IL1RL2: variants seen among roughly 807,000 people sequenced by gnomAD.
The protein encoded by IL1RL2 is interleukin-1 receptor-like 2.
A neutral mutation model predicts 66.8 loss-of-function variants in IL1RL2; 68 were observed. The observed-to-expected ratio is 1.02, with a 90% confidence interval of 0.84 to 1.25. The LOEUF is 1.25. Among genes scored for constraint, IL1RL2 ranks in the 50% most tolerant of loss-of-function variants. The pLI is 0.00. For missense variants in IL1RL2, 729 were observed against 709.3 expected (o/e 1.03, Z -0.32); for synonymous variants, 305 against 264.6 (o/e 1.15, Z -1.48).
At position 102,239,832 on chromosome 2, in the gene IL1RL2, T is replaced by A. The variant is rs1179972921; in HGVS notation, c.*591T>A. On this transcript the variant is annotated 3_prime_UTR_variant, in exon 12 of 12. Coordinates refer to ENST00000264257, the MANE Select transcript of IL1RL2 (RefSeq NM_003854.4). ...TGGGGGGATCACCTGTCATGGTGGG[T>A]GAGAGTTGGGATTCATCCCCATGTC... 1 of 154,758 alleles carries A rather than the reference T, an allele frequency of 6.5e-6. No homozygotes were observed. The highest frequency in any genetic ancestry group is 1.4e-5 in the Non-Finnish European group (1 of 69,526). 9.6% of individuals were successfully genotyped at this position (154,758 alleles called of 1,614,324 possible).
Position 102,239,544 on chromosome 2 carries a change from G to T in IL1RL2, c.*303G>T. 1 of 352,606 alleles carries T rather than the reference G, an allele frequency of 2.8e-6. No individual in the cohort carries two copies. Among genetic ancestry groups the T allele is most frequent in the Non-Finnish European group, 5.6e-6 (1 of 180,016 alleles). The allele number at this position is 352,606 out of a possible 1,614,324, so 21.8% of individuals were successfully genotyped here. On this transcript the variant is annotated 3_prime_UTR_variant, in exon 12 of 12. Coordinates refer to ENST00000264257, the MANE Select transcript of IL1RL2 (RefSeq NM_003854.4). ...CCAAGTCATGGTGGGTGAGAGCTCG[G>T]AGCATCCCCATGTCATGGTGGGTGA...
chr2:102,234,929 C>T lies in IL1RL2; in HGVS notation c.1330C>T (p.Leu444=). Reference sequence around the variant, plus strand: ...CAATGTCATCGATGAAAACGTTAAGCTGTGCAGGAGGCTGATTGTCATTGT... The same window carrying T: ...CAATGTCATCGATGAAAACGTTAAGTTGTGCAGGAGGCTGATTGTCATTGT... The part of the protein sequence containing the change: ...VANVIDENVK[L]CRRLIVIVVP... The change falls in exon 11 of 12, where the codon CTG becomes TTG. Residue 444 remains leucine (L), a synonymous_variant. Transcript: ENST00000264257. The T allele has an allele frequency of 6.2e-7, 1 of 1,614,016 alleles. No homozygotes were observed. The highest frequency in any genetic ancestry group is 8.5e-7 in the Non-Finnish European group (1 of 1,179,942).
In IL1RL2 at chr2:102,187,835, C is replaced by T. The variant is rs752818394; in HGVS notation, c.-12-21C>T. 5 of 1,611,928 alleles carry T rather than the reference C, an allele frequency of 3.1e-6. No individual in the cohort carries two copies. In the South Asian group the frequency reaches 5.5e-5, roughly 18 times the overall value. ...GCCCTACTGCGTCCTCCCCTCCCAC[C>T]CTCTTCTCCCTTCCTTGCAGCCCGG... On this transcript the variant is annotated intron_variant, in intron 1 of 11. Coordinates refer to ENST00000264257, the MANE Select transcript of IL1RL2 (RefSeq NM_003854.4).
intron 9 of IL1RL2, among the ~76,000 whole-genome samples, chr2:102,227,957 A>G (rs570675650): frequency 2.0e-5 from 3 of 152,216 alleles, no homozygotes; most frequent in South Asian, 2.1e-4. Context: ...GAAAACAGGA[A>G]TAGTGACTCA....
downstream of IL1RL2, among the ~76,000 whole-genome samples, chr2:102,241,867 T>C (rs1003350490): frequency 6.6e-6 from 1 of 152,238 alleles, no homozygotes; most frequent in Non-Finnish European, 1.5e-5. Context: ...GGTAGCATTG[T>C]TATGTTTCTA....
chr2:102,230,670 G>A (rs1048471381), intron 9 of IL1RL2, among the ~76,000 whole-genome samples: 1 of 152,192 alleles, frequency 6.6e-6, no homozygotes, highest in Non-Finnish European at 1.5e-5. Flanking sequence ...GATGGGGTGG[G>A]GAGGCAGACA....
intron 6 of IL1RL2, among the ~76,000 whole-genome samples, chr2:102,212,960 C>T (rs941971389): frequency 2.0e-5 from 3 of 151,656 alleles, no homozygotes; most frequent in African/African-American, 7.3e-5. Context: ...AGCGAGACTC[C>T]GTCTCAAAAC....
chr2:102,222,643 A>G (rs1390172540), intron 8 of IL1RL2, among the ~76,000 whole-genome samples: 1 of 152,188 alleles, frequency 6.6e-6, no homozygotes, highest in Non-Finnish European at 1.5e-5. Context: ...GTGATGAAGT[A>G]GGTGAGTTTG....
chr2:102,214,219 G>A (rs1689416871), intron 6 of IL1RL2, among the ~76,000 whole-genome samples: 1 of 152,148 alleles, frequency 6.6e-6, no homozygotes, highest in Admixed American at 6.5e-5. Context: ...AAGAGAAGGA[G>A]TTTTGGAAGT....
At chr2:102,206,549 A>T (rs1198452209) in intron 5 of IL1RL2, among the ~76,000 whole-genome samples, 4 of 152,114 alleles carry the variant, frequency 2.6e-5, no homozygotes, top group Non-Finnish European at 5.9e-5. Flanking sequence ...TCAGGCAGAG[A>T]CTTGTTCTCT....
chr2:102,216,427 G>C (rs534327823), intron 6 of IL1RL2, among the ~76,000 whole-genome samples: 1 of 151,656 alleles, frequency 6.6e-6, no homozygotes, highest in Admixed American at 6.6e-5. Flanking sequence ...TTCACTTTTC[G>C]TGTATATGTA....
At chr2:102,233,162 G>T in intron 10 of IL1RL2, 38 bp downstream of exon 10, 1 of 1,515,856 alleles carries the variant, frequency 6.6e-7, no homozygotes. Flanking sequence ...ACAAATAAAA[G>T]AAGGAAAGCG....
At chr2:102,187,347 G>A in intron 1 of IL1RL2, 1 of 1,166,076 alleles carries the variant, frequency 8.6e-7, no homozygotes. Flanking sequence ...TGCCAGGTAG[G>A]CCTGCCCTGG....
At chr2:102,187,168 G>T (rs1026923861) in intron 1 of IL1RL2, 82 bp downstream of exon 1, 4 of 1,259,878 alleles carry the variant, frequency 3.2e-6, no homozygotes, top group Non-Finnish European at 4.1e-6. Context: ...AAAAGACGTG[G>T]CAACAATGTG....
chr2:102,227,273 A>G (rs530408169), intron 9 of IL1RL2, among the ~76,000 whole-genome samples: 1 of 151,554 alleles, frequency 6.6e-6, no homozygotes, highest in East Asian at 1.9e-4. Flanking sequence ...AAGGGAGGGA[A>G]ACTGGTTGTC....
chr2:102,202,047 G>T (rs916909780), intron 5 of IL1RL2, among the ~76,000 whole-genome samples: 1 of 152,190 alleles, frequency 6.6e-6, no homozygotes, highest in Non-Finnish European at 1.5e-5. Flanking sequence ...TGATGAACAT[G>T]ACTGTCATTC....
At chr2:102,218,699 A>C (rs2104828847) in intron 6 of IL1RL2, among the ~76,000 whole-genome samples, 1 of 152,340 alleles carries the variant, frequency 6.6e-6, no homozygotes, top group South Asian at 2.1e-4. Flanking sequence ...GAGTAGAAAT[A>C]GCATTTGTGT....
intron 5 of IL1RL2, among the ~76,000 whole-genome samples, chr2:102,202,331 A>G (rs570251201): frequency 1.1e-3 from 160 of 151,846 alleles, no homozygotes; most frequent in African/African-American, 3.7e-3. Context: ...GTGGGTACAT[A>G]ATAGGTATAT....
intron 6 of IL1RL2, among the ~76,000 whole-genome samples, chr2:102,212,944 C>T (rs574298173): frequency 2.6e-5 from 4 of 151,980 alleles, no homozygotes; most frequent in African/African-American, 4.8e-5. Flanking sequence ...ACTCCAGCGG[C>T]GACAGAGCGA....
Sources: allele counts gnomAD v4.1 joint callset (sites outside exome capture counted in the v4.1 genomes callset), GRCh38; gene constraint gnomAD v4.1.1; transcripts MANE v1.5; gene names NCBI Gene and HGNC (gene_info 2026-07-23, HGNC 2026-07-21).